Variants in SLC10A4 observed in about 807,000 individuals in gnomAD.
SLC10A4 encodes the protein putative sodium/bile acid cotransporter 4.
A neutral mutation model predicts 22.5 loss-of-function variants in SLC10A4; 17 were observed. The ratio of observed to expected loss-of-function variants is 0.76; its 90% confidence interval spans 0.52 to 1.14. The LOEUF is 1.14. SLC10A4 is among the 50% of genes most tolerant of loss of function. SLC10A4 has a pLI of 0.00. For synonymous variants in SLC10A4, 257 were observed against 258.2 expected (o/e 1.00, Z 0.04); for missense variants, 548 against 584.0 (o/e 0.94, Z 0.64).
At chr4:48,488,016 C>A (rs1234426179) in intron 2 of SLC10A4, among the ~76,000 whole-genome samples, 1 of 151,510 alleles carries the variant, frequency 6.6e-6, no homozygotes, top group African/African-American at 2.4e-5. Flanking sequence ...CTTGGCCAGC[C>A]TGGTCTTCAA....
At chr4:48,488,400 C>T (rs1216297371) in intron 2 of SLC10A4, 27 bp from the exon 3 acceptor site, 3 of 1,548,416 alleles carry the variant, frequency 1.9e-6, no homozygotes, top group African/African-American at 1.4e-5. Flanking sequence ...CATCTTCAAC[C>T]ATCTCATTGT....
At position 48,489,090 on chromosome 4, in the gene SLC10A4, C is replaced by A; in HGVS notation, c.*151C>A. On this transcript the variant is annotated 3_prime_UTR_variant, in exon 3 of 3. Transcript: ENST00000273861. ...TTTTTAAGGTTCACTGGTGTATTAA[C>A]CAAACGTTGTCACAAATTACAAATC... 1 of 885,184 alleles carries A rather than the reference C, an allele frequency of 1.1e-6. No individual in the cohort carries two copies. Among genetic ancestry groups the A allele is most frequent in the African/African-American group, 1.7e-5 (1 of 58,776 alleles). The allele number at this position is 885,184 out of a possible 1,614,324, so 54.8% of individuals were successfully genotyped here. A position where few individuals can be genotyped will look rare whatever the true frequency, so the allele number is the denominator to read the frequency against.
intron 2 of SLC10A4, among the ~76,000 whole-genome samples, chr4:48,488,140 A>G (rs1718313699): frequency 6.6e-6 from 1 of 150,468 alleles, no homozygotes; most frequent in Admixed American, 6.6e-5. Flanking sequence ...TTGTTTTTGA[A>G]GAGCTGGTCT....
intron 2 of SLC10A4, among the ~76,000 whole-genome samples, chr4:48,486,291 T>TA (rs1434449787): frequency 2.0e-5 from 3 of 151,986 alleles, no homozygotes; most frequent in African/African-American, 7.2e-5. Flanking sequence ...TATGTGAATG[T>TA]AAAAATGTAT....
In SLC10A4 at chr4:48,484,059, G is replaced by A; in HGVS notation, c.498G>A (p.Val166=). The A allele has an allele frequency of 6.2e-7, 1 of 1,603,462 alleles. No homozygotes were observed. The part of the protein sequence containing the change: ...LLALAFKLDE[V]AAVAVLLCGC... ...CCCTCGCCTTCAAGCTGGACGAGGT[G>A]GCCGCCGTGGCGGTGCTCCTGTGTG... is the stretch of plus-strand genomic sequence containing the variant. Residue 166 remains valine, a synonymous_variant, in exon 1 of 3, where the codon GTG becomes GTA. Transcript: ENST00000273861.
Position 48,483,550 on chromosome 4 carries a change from T to A in SLC10A4, c.-12T>A, listed in dbSNP as rs2148671674. 1 of 1,492,790 alleles carries A rather than the reference T, an allele frequency of 6.7e-7. No homozygotes were observed. Among genetic ancestry groups the A allele is most frequent in the Non-Finnish European group, 8.9e-7 (1 of 1,125,746 alleles). The allele number at this position is 1,492,790 out of a possible 1,614,324, so 92.5% of individuals were successfully genotyped here. A position where few individuals can be genotyped will look rare whatever the true frequency, so the allele number is the denominator to read the frequency against. Reference sequence around the variant, plus strand: ...GCGGGAGGGGACCGGAATCCGCAGCTCCGGCCGCGCCATGGACGGCAACGA... The same window carrying A: ...GCGGGAGGGGACCGGAATCCGCAGCACCGGCCGCGCCATGGACGGCAACGA... On this transcript the variant is annotated 5_prime_UTR_variant, in exon 1 of 3. Coordinates refer to ENST00000273861, the MANE Select transcript of SLC10A4 (RefSeq NM_152679.4). This position sits in a 1 kb window ranked among gnomAD's most constrained non-coding sequence, Gnocchi z 5.4.
At chr4:48,484,269 G>A in intron 1 of SLC10A4, 118 bp downstream of exon 1, 1 of 1,042,948 alleles carries the variant, frequency 9.6e-7, no homozygotes, top group Non-Finnish European at 1.3e-6. Flanking sequence ...GGAGGAAGGA[G>A]GAGAAAAGGA....
Position 48,483,556 on chromosome 4 carries a change from C to T in SLC10A4, c.-6C>T, listed in dbSNP as rs1379253878. 43 of 1,496,566 alleles carry T rather than the reference C, an allele frequency of 2.9e-5. No individual in the cohort carries two copies. The highest frequency in any genetic ancestry group is 3.8e-5 in the Non-Finnish European group (43 of 1,127,538). The allele number at this position is 1,496,566 out of a possible 1,614,324, so 92.7% of individuals were successfully genotyped here. A position where few individuals can be genotyped will look rare whatever the true frequency, so the allele number is the denominator to read the frequency against. On this transcript the variant is annotated 5_prime_UTR_variant, in exon 1 of 3. Transcript: ENST00000273861. This position sits in a 1 kb window ranked among gnomAD's most constrained non-coding sequence, Gnocchi z 5.4. ...GGGGACCGGAATCCGCAGCTCCGGC[C>T]GCGCCATGGACGGCAACGACAACGT...
rs774013837 is a variant in SLC10A4 at position 48,483,816 on chromosome 4, C to G, written c.255C>G (p.Phe85Leu). Reference protein sequence around the residue: ...GGAASHGPSPFPRPWAPHALP... With the variant: ...GGAASHGPSPLPRPWAPHALP... ...CGGCGAGCCACGGCCCTTCCCCGTT[C>G]CCTCGGCCCTGGGCGCCCCACGCGC... Residue 85 changes from phenylalanine (F) to leucine (L), a missense_variant, in exon 1 of 3, where the codon TTC becomes TTG. Around this residue, in one of 3 missense-constraint regions of SLC10A4, gnomAD observed 225 missense variants for 206.9 expected, o/e 1.09. Coordinates refer to ENST00000273861, the MANE Select transcript of SLC10A4 (RefSeq NM_152679.4). This position sits in a 1 kb window ranked among gnomAD's most constrained non-coding sequence, Gnocchi z 5.4. The G allele has an allele frequency of 2.0e-6, 3 of 1,526,198 alleles. No individual in the cohort carries two copies. Among genetic ancestry groups the G allele is most frequent in the Admixed American group, 2.0e-5 (1 of 50,094 alleles). The allele number at this position is 1,526,198 out of a possible 1,614,324, so 94.5% of individuals were successfully genotyped here.
At chr4:48,484,416 C>T (rs1718242214) in intron 1 of SLC10A4, among the ~76,000 whole-genome samples, 1 of 152,244 alleles carries the variant, frequency 6.6e-6, no homozygotes, top group East Asian at 1.9e-4. Flanking sequence ...AGCAGGGTCC[C>T]TCGCCGTCCT....
chr4:48,483,986 C>A lies in SLC10A4; in HGVS notation c.425C>A (p.Ala142Glu). The part of the protein sequence containing the change: ...HVRRPVGALL[A>E]ALCQFGLLPL... ...CGTCGGCCCGTGGGCGCGCTGCTGGCAGCGCTCTGCCAGTTCGGCCTCCTG... is the reference window on the plus strand; with the variant it reads ...CGTCGGCCCGTGGGCGCGCTGCTGGAAGCGCTCTGCCAGTTCGGCCTCCTG... The change falls in exon 1 of 3, where the codon GCA becomes GAA. Residue 142 changes from alanine to glutamate, a missense_variant. Ala to Glu is a moderately radical substitution (Grantham distance 107, BLOSUM62 -1). This residue lies in a region of SLC10A4 where 314 missense variants were observed against 353.2 expected (regional missense o/e 0.89). Coordinates refer to ENST00000273861, the MANE Select transcript of SLC10A4 (RefSeq NM_152679.4). This position sits in a 1 kb window ranked among gnomAD's most constrained non-coding sequence, Gnocchi z 5.4. 1.3e-6 allele frequency: 2 copies of A among 1,565,448 alleles called. No homozygotes were observed. Among genetic ancestry groups the A allele is most frequent in the Non-Finnish European group, 1.7e-6 (2 of 1,158,418 alleles).
chr4:48,487,501 G>A (rs914636499), intron 2 of SLC10A4, among the ~76,000 whole-genome samples: 4 of 152,136 alleles, frequency 2.6e-5, no homozygotes, highest in South Asian at 2.1e-4. Flanking sequence ...TGGAAAACAC[G>A]GGGTTCAGTT....
chr4:48,483,780 C>A lies in SLC10A4; in HGVS notation c.219C>A (p.Leu73=), dbSNP rs886334380. Residue 73 remains leucine, a synonymous_variant, in exon 1 of 3, where the codon CTC becomes CTA. Coordinates refer to ENST00000273861, the MANE Select transcript of SLC10A4 (RefSeq NM_152679.4). The surrounding 1 kb of genome is among the most constrained non-coding windows in gnomAD (Gnocchi z 5.4). ...TPTPEPTTSG[L]AGGAASHGPS... ...CCCCGGAGCCCACGACCAGCGGCCT[C>A]GCGGGCGGCGCGGCGAGCCACGGCC... 52 of 1,497,118 alleles carry A rather than the reference C, an allele frequency of 3.5e-5. No individual in the cohort carries two copies. In the African/African-American group the frequency reaches 7.3e-4, roughly 21 times the overall value. The allele number at this position is 1,497,118 out of a possible 1,614,324, so 92.7% of individuals were successfully genotyped here. A position where few individuals can be genotyped will look rare whatever the true frequency, so the allele number is the denominator to read the frequency against.
chr4:48,485,403 G>A (rs1460539812), intron 2 of SLC10A4, among the ~76,000 whole-genome samples: 1 of 152,190 alleles, frequency 6.6e-6, no homozygotes, highest in African/African-American at 2.4e-5. Context: ...GAAGGAAACA[G>A]ATCATAGCAG....
Position 48,483,855 on chromosome 4 carries a change from C to T in SLC10A4, c.294C>T (p.Asp98=). 2 of 1,541,308 alleles carry T rather than the reference C, an allele frequency of 1.3e-6. No homozygotes were observed. Among genetic ancestry groups the T allele is most frequent in the Non-Finnish European group, 8.7e-7 (1 of 1,145,636 alleles). The change falls in exon 1 of 3, where the codon GAC becomes GAT. Residue 98 remains aspartate, a synonymous_variant. Coordinates refer to ENST00000273861, the MANE Select transcript of SLC10A4 (RefSeq NM_152679.4). This position sits in a 1 kb window ranked among gnomAD's most constrained non-coding sequence, Gnocchi z 5.4. ...CGCCCCACGCGCTCCCGTTCTGGGA[C>T]ACGCCGCTGAACCACGGGCTGAACG... The part of the protein sequence containing the change: ...PWAPHALPFW[D]TPLNHGLNVF...
chr4:48,483,692 C>T lies in SLC10A4; in HGVS notation c.131C>T (p.Pro44Leu). The T allele has an allele frequency of 6.8e-7, 1 of 1,469,090 alleles. No homozygotes were observed. Among genetic ancestry groups the T allele is most frequent in the South Asian group, 1.3e-5 (1 of 76,930 alleles). 91.0% of individuals were successfully genotyped at this position (1,469,090 alleles called of 1,614,324 possible). A position where few individuals can be genotyped will look rare whatever the true frequency, so the allele number is the denominator to read the frequency against. The change falls in exon 1 of 3, where the codon CCC becomes CTC. Residue 44 changes from proline (P) to leucine (L), a missense_variant. Coordinates refer to ENST00000273861, the MANE Select transcript of SLC10A4 (RefSeq NM_152679.4). The surrounding 1 kb of genome is among the most constrained non-coding windows in gnomAD (Gnocchi z 5.4). Reference sequence around the variant, plus strand: ...CTCGCCCCTGCCTCCAGCGCCGGCCCCGGCCCTGGGCTCAGCCTCGGGCCG... The same window carrying T: ...CTCGCCCCTGCCTCCAGCGCCGGCCTCGGCCCTGGGCTCAGCCTCGGGCCG... ...LALAPASSAG[P>L]GPGLSLGPGP...
Position 48,483,791 on chromosome 4 carries a change from C to A in SLC10A4, c.230C>A (p.Ala77Glu). 6.7e-7 allele frequency: 1 copy of A among 1,503,340 alleles called. No individual in the cohort carries two copies. The highest frequency in any genetic ancestry group is 8.8e-7 in the Non-Finnish European group (1 of 1,133,052). 93.1% of individuals were successfully genotyped at this position (1,503,340 alleles called of 1,614,324 possible). Residue 77 changes from alanine to glutamate, a missense_variant, in exon 1 of 3, where the codon GCG (alanine) becomes GAG (glutamate). Ala to Glu is a moderately radical substitution (Grantham distance 107). Around this residue, in one of 3 missense-constraint regions of SLC10A4, gnomAD observed 225 missense variants for 206.9 expected, o/e 1.09. Coordinates refer to ENST00000273861, the MANE Select transcript of SLC10A4 (RefSeq NM_152679.4). This position sits in a 1 kb window ranked among gnomAD's most constrained non-coding sequence, Gnocchi z 5.4. ...ACGACCAGCGGCCTCGCGGGCGGCGCGGCGAGCCACGGCCCTTCCCCGTTC... is the reference window on the plus strand; with the variant it reads ...ACGACCAGCGGCCTCGCGGGCGGCGAGGCGAGCCACGGCCCTTCCCCGTTC... ...EPTTSGLAGG[A>E]ASHGPSPFPR...
intron 2 of SLC10A4, among the ~76,000 whole-genome samples, chr4:48,485,838 A>C (rs1192127536): frequency 1.3e-5 from 2 of 152,174 alleles, no homozygotes; most frequent in African/African-American, 4.8e-5. Flanking sequence ...TAATTTGTGC[A>C]ATATTTCTCC....
chr4:48,485,979 A>C (rs1378051034), intron 2 of SLC10A4, among the ~76,000 whole-genome samples: 1 of 152,192 alleles, frequency 6.6e-6, no homozygotes, highest in African/African-American at 2.4e-5. Context: ...AAATTCAAAA[A>C]CAGTAGCAAA....
Sources: allele counts gnomAD v4.1 joint callset (sites outside exome capture counted in the v4.1 genomes callset), GRCh38; gene constraint gnomAD v4.1.1; regional missense constraint gnomAD v4.1.1; non-coding constraint Gnocchi (gnomAD v3.1); transcripts MANE v1.5; gene names NCBI Gene and HGNC (gene_info 2026-07-23, HGNC 2026-07-21).